The following GRID1 variants were observed in gnomAD, a reference collection of about 807,000 sequenced individuals.
GRID1 encodes the protein glutamate ionotropic receptor delta type subunit 1, also known as glutamate receptor ionotropic, delta-1.
A neutral mutation model predicts 98.0 loss-of-function variants in GRID1; 28 were observed. That is an observed-to-expected ratio of 0.29 (90% CI 0.21 to 0.39). The LOEUF is 0.39. GRID1 is among the 10% of genes least tolerant of loss of function. The pLI is 1.00. For synonymous variants in GRID1, 553 were observed against 538.5 expected (o/e 1.03, Z -0.37); for missense variants, 1,111 against 1,340.5 (o/e 0.83, Z 2.67).
At chr10:85,686,073 A>G (rs1188611150) in intron 12 of GRID1, among the ~76,000 whole-genome samples, 1 of 152,188 alleles carries the variant, frequency 6.6e-6, no homozygotes, top group East Asian at 1.9e-4. Flanking sequence ...GATTTTCAAT[A>G]CATATAAAAG....
rs537701831 is a variant in GRID1, at chr10:86,000,644, C to T, written c.727-84405G>A. ...CACAAATATAGCCAATTGGTTTTAACAACAGTGCAAAAGCAATTCAATGGA... is the reference window on the plus strand; with the variant it reads ...CACAAATATAGCCAATTGGTTTTAATAACAGTGCAAAAGCAATTCAATGGA... On this transcript the variant is annotated intron_variant, in intron 4 of 15. Coordinates refer to ENST00000327946, the MANE Select transcript of GRID1 (RefSeq NM_017551.3). 1.1e-4 allele frequency among the ~76,000 whole-genome samples: 17 copies of T among 152,226 alleles called. No homozygotes were observed. The East Asian group carries it at 3.1e-3, about 28-fold the overall frequency.
At chr10:85,667,061 A>T (rs1590181687) in intron 12 of GRID1, among the ~76,000 whole-genome samples, 2 of 152,360 alleles carry the variant, frequency 1.3e-5, no homozygotes, top group Admixed American at 6.5e-5. Context: ...AAGCAGAGGC[A>T]GAGAGGAGCA....
At chr10:86,278,627 A>G (rs1847309587) in intron 2 of GRID1, among the ~76,000 whole-genome samples, 1 of 152,192 alleles carries the variant, frequency 6.6e-6, no homozygotes, top group African/African-American at 2.4e-5. Flanking sequence ...TATTAAAAAG[A>G]TAATAAGGAC....
chr10:86,147,290 C>A (rs772383465), intron 3 of GRID1, among the ~76,000 whole-genome samples: 4 of 152,190 alleles, frequency 2.6e-5, no homozygotes, highest in African/African-American at 4.8e-5. Context: ...TTAACCATAT[C>A]ATTTTTCCAA....
chr10:85,696,155 T>TTAGGGGA (rs1239348310), intron 12 of GRID1, among the ~76,000 whole-genome samples: 2 of 152,180 alleles, frequency 1.3e-5, no homozygotes, highest in Non-Finnish European at 2.9e-5. Flanking sequence ...GCATTGGTTC[T>TTAGGGGA]ACAATAGGGG....
intron 2 of GRID1, among the ~76,000 whole-genome samples, chr10:86,219,605 C>T (rs1846224685): frequency 6.6e-6 from 1 of 152,222 alleles, no homozygotes; most frequent in Admixed American, 6.5e-5. Context: ...TGTGGCCCCC[C>T]GTCCCAGAGT....
intron 12 of GRID1, among the ~76,000 whole-genome samples, chr10:85,701,255 A>G (rs924302119): frequency 6.6e-6 from 1 of 152,202 alleles, no homozygotes; most frequent in African/African-American, 2.4e-5. Context: ...TCAGAGCAGT[A>G]ACAACGGAAA....
chr10:86,070,975 C>A (rs1843795605), intron 4 of GRID1, among the ~76,000 whole-genome samples: 1 of 152,218 alleles, frequency 6.6e-6, no homozygotes, highest in African/African-American at 2.4e-5. Flanking sequence ...GCCAATCCTG[C>A]ACCTCACCCT....
Position 86,365,701 on chromosome 10 carries a change from A to G in GRID1, c.79+613T>C, listed in dbSNP as rs900345146. On this transcript the variant is annotated intron_variant, in intron 1 of 15. Transcript: ENST00000327946. This position sits in a 1 kb window ranked among gnomAD's most constrained non-coding sequence, Gnocchi z 4.8. The stretch of plus-strand genomic sequence containing the variant: ...CGCACTCACACATACACCAAGGGCT[A>G]CACAGACACACACCGGAGAAGCAGG... Among the ~76,000 whole-genome samples the G allele has an allele frequency of 3.3e-5, 5 of 152,082 alleles. No individual in the cohort carries two copies. Among genetic ancestry groups the G allele is most frequent in the African/African-American group, 1.2e-4 (5 of 41,410 alleles).
intron 13 of GRID1, chr10:85,646,996 C>T: frequency 1.7e-6 from 1 of 603,012 alleles, no homozygotes; most frequent in Non-Finnish European, 3.0e-6. Context: ...CCCCAGCCAG[C>T]ACCACTCTAC....
At chr10:85,969,997 TAA>T (rs1842386319) in intron 4 of GRID1, among the ~76,000 whole-genome samples, 1 of 151,178 alleles carries the variant, frequency 6.6e-6, no homozygotes, top group South Asian at 2.1e-4. Context: ...GAATCAGAAA[TAA>T]AAGAGGGGAT....
At chr10:85,699,541 G>A (rs898030817) in intron 12 of GRID1, among the ~76,000 whole-genome samples, 12 of 151,958 alleles carry the variant, frequency 7.9e-5, no homozygotes, top group African/African-American at 2.4e-4. Flanking sequence ...TCATGCTTTC[G>A]ATCTTGTATT....
At chr10:85,630,184 T>G (rs894873242) in intron 13 of GRID1, among the ~76,000 whole-genome samples, 1 of 152,178 alleles carries the variant, frequency 6.6e-6, no homozygotes, top group African/African-American at 2.4e-5. Context: ...TCAATCCCAC[T>G]TCACAGACAG....
At chr10:86,281,564 A>G (rs190006604) in intron 2 of GRID1, among the ~76,000 whole-genome samples, 1 of 152,288 alleles carries the variant, frequency 6.6e-6, no homozygotes, top group Non-Finnish European at 1.5e-5. Context: ...TATGGCCAAA[A>G]GCAACTTTGT....
intron 14 of GRID1, among the ~76,000 whole-genome samples, chr10:85,616,776 G>A (rs539971312): frequency 1.3e-5 from 2 of 152,324 alleles, no homozygotes; most frequent in South Asian, 4.1e-4. Flanking sequence ...GAGGAAGCCA[G>A]AGGGATAATA....
chr10:85,629,407 T>C (rs1379548136), intron 13 of GRID1, among the ~76,000 whole-genome samples: 2 of 143,036 alleles, frequency 1.4e-5, no homozygotes. Context: ...TCCAAGTCTC[T>C]AATGTCTATT....
intron 2 of GRID1, among the ~76,000 whole-genome samples, chr10:86,257,554 T>C (rs1237273065): frequency 6.6e-6 from 1 of 152,186 alleles, no homozygotes; most frequent in Non-Finnish European, 1.5e-5. Context: ...AACAGACTGA[T>C]GTGGCCACCA....
At chr10:85,801,251 T>C (rs1156616994) in intron 8 of GRID1, among the ~76,000 whole-genome samples, 1 of 151,912 alleles carries the variant, frequency 6.6e-6, no homozygotes, top group African/African-American at 2.4e-5. Flanking sequence ...GAATTAAAGG[T>C]TTTCCCACAA....
At chr10:86,164,506 G>A (rs999459784) in intron 3 of GRID1, among the ~76,000 whole-genome samples, 2 of 152,212 alleles carry the variant, frequency 1.3e-5, no homozygotes, top group African/African-American at 4.8e-5. Flanking sequence ...CAGTCTTAGA[G>A]GGACAGTCCC....
Sources: gnomAD v4.1 joint callset for allele counts (sites outside exome capture counted in the v4.1 genomes callset) on GRCh38, gnomAD v4.1.1 for gene constraint, Gnocchi (gnomAD v3.1) non-coding constraint, MANE v1.5 for transcripts, NCBI Gene and HGNC (gene_info 2026-07-23, HGNC 2026-07-21) for gene names.